The following NOTCH3 variants were observed in gnomAD, a reference collection of about 807,000 sequenced individuals.
NOTCH3 encodes the protein notch receptor 3.
Under a neutral mutation model 213.3 loss-of-function variants are expected in NOTCH3, and 86 were observed. The ratio of observed to expected loss-of-function variants is 0.40; its 90% CI spans 0.34 to 0.48. NOTCH3 has a LOEUF of 0.48. NOTCH3 is among the 20% of genes least tolerant of loss of function. The pLI is 0.57. For missense variants in NOTCH3, 2,783 were observed against 3,272.6 expected (o/e 0.85, Z 3.65); for synonymous variants, 1,354 against 1,355.9 (o/e 1.00, Z 0.03).
At chr19:15,171,564 T>C (rs1474828926) in intron 25 of NOTCH3, among the ~76,000 whole-genome samples, 1 of 152,080 alleles carries the variant, frequency 6.6e-6, no homozygotes, top group Non-Finnish European at 1.5e-5. Flanking sequence ...GGTGTCACTA[T>C]GTTGCCCAGG....
Position 15,160,315 on chromosome 19 carries a change from A to G in NOTCH3, c.*347T>C. On this transcript the variant is annotated 3_prime_UTR_variant, in exon 33 of 33. Coordinates refer to ENST00000263388, the MANE Select transcript of NOTCH3 (RefSeq NM_000435.3). ...GTTTCTATACAAAATGTAAAAAAAA[A>G]AAGAAAAATAAAAATAATAATAATT... The G allele has an allele frequency of 3.9e-6, 1 of 253,842 alleles. No homozygotes were observed. Among genetic ancestry groups the G allele is most frequent in the Non-Finnish European group, 7.5e-6 (1 of 133,010 alleles). 15.7% of individuals were successfully genotyped at this position (253,842 alleles called of 1,614,324 possible). A position where few individuals can be genotyped will look rare whatever the true frequency, so the allele number is the denominator to read the frequency against.
intron 32 of NOTCH3, among the ~76,000 whole-genome samples, 155 bp from the exon 33 acceptor site, chr19:15,161,869 T>C (rs1404605063): frequency 6.6e-6 from 1 of 152,056 alleles, no homozygotes. Flanking sequence ...CCTGGACAAG[T>C]TCTTTCCTCT....
intron 1 of NOTCH3, among the ~76,000 whole-genome samples, chr19:15,199,701 T>A (rs1000769272): frequency 1.3e-5 from 2 of 152,174 alleles, no homozygotes; most frequent in Non-Finnish European, 1.5e-5. Flanking sequence ...TCACAGGCCA[T>A]GTGTGTGCGC....
rs749611934 is a variant in NOTCH3, at chr19:15,178,902, T to C, written c.3758A>G (p.Gln1253Arg). ...GCACTGGCCTCCATGCTGGCATGGC[T>C]GGGACTCGCAGGGAGACAGGACAGT... is the stretch of plus-strand genomic sequence containing the variant. ...CQTVLSPCES[Q>R]PCQHGGQCRP... The change falls in exon 23 of 33, where the codon CAG (glutamine) becomes CGG (arginine). Residue 1253 changes from glutamine to arginine, a missense_variant. Gln to Arg is a conservative substitution (Grantham distance 43, BLOSUM62 1). Coordinates refer to ENST00000263388, the MANE Select transcript of NOTCH3 (RefSeq NM_000435.3). 1.9e-6 allele frequency: 3 copies of C among 1,613,014 alleles called. No individual in the cohort carries two copies. The African/African-American group carries it at 4.0e-5, about 22-fold the overall frequency.
rs145049433 is a variant in NOTCH3, at chr19:15,191,629, C to T, written c.831G>A (p.Glu277=). 467 of 1,613,552 alleles carry T rather than the reference C, an allele frequency of 2.9e-4. No homozygotes were observed. Among genetic ancestry groups the T allele is most frequent in the Non-Finnish European group, 3.7e-4 (440 of 1,180,036 alleles). The change falls in exon 6 of 33, where the codon GAG becomes GAA. Residue 277 remains glutamate, a synonymous_variant. Transcript: ENST00000263388. ...TGQFCTEDVD[E]CQLQPNACHN... ...GGCAGGCGTTGGGCTGCAGCTGACACTCATCCACGTCCTCCGTGCAGAACT... is the reference window on the plus strand; with the variant it reads ...GGCAGGCGTTGGGCTGCAGCTGACATTCATCCACGTCCTCCGTGCAGAACT...
intron 29 of NOTCH3, 121 bp from the exon 30 acceptor site, chr19:15,166,212 T>G: frequency 3.6e-6 from 3 of 832,846 alleles, no homozygotes; most frequent in Non-Finnish European, 5.9e-6. Flanking sequence ...TAGCAGATCC[T>G]CCTGTCTGCA....
chr19:15,199,163 TTGTG>T (rs538898887), intron 1 of NOTCH3, among the ~76,000 whole-genome samples: 11 of 152,088 alleles, frequency 7.2e-5, no homozygotes, highest in South Asian at 6.2e-4. Flanking sequence ...GTGCACGGGC[TTGTG>T]TGTCTGTATG....
rs141402160 is a variant in NOTCH3 at position 15,191,804 on chromosome 19, C to A, written c.743G>T (p.Gly248Val). ...GTTGACGCCATCCACGCATGTCCCC[C>A]CATTGAGACATCGGTGTCCTGGACA... The part of the protein sequence containing the change: ...DDCPGHRCLN[G>V]GTCVDGVNTY... Residue 248 changes from glycine to valine, a missense_variant, in exon 5 of 33, where the codon GGG (glycine) becomes GTG (valine). Around this residue, in one of 6 missense-constraint regions of NOTCH3, gnomAD observed 708 missense variants for 906.6 expected, o/e 0.78. Transcript: ENST00000263388. The A allele has an allele frequency of 1.9e-6, 3 of 1,613,866 alleles. No homozygotes were observed. The African/African-American group carries it at 4.0e-5, about 22-fold the overall frequency.
intron 20 of NOTCH3, 71 bp downstream of exon 20, chr19:15,180,001 C>A (rs1246346330): frequency 9.2e-7 from 1 of 1,092,432 alleles, no homozygotes; most frequent in Admixed American, 1.7e-5. Context: ...CCAAGCCACA[C>A]AGAAATGTGT....
rs769150460 is a variant in NOTCH3 at position 15,170,473 on chromosome 19, G to C, written c.4972C>G (p.Leu1658Val). Residue 1658 changes from leucine to valine, a missense_variant, in exon 27 of 33, where the codon CTC becomes GTC. Transcript: ENST00000263388. ...CGGGCCACCATGACACCCAGGACGA[G>C]AATGACCAGCAGCAAGACAGCGCCC... is the stretch of plus-strand genomic sequence containing the variant. ...VAGAVLLLVILVLGVMVARRK... is the reference protein window; with the variant it reads ...VAGAVLLLVIVVLGVMVARRK... 6.2e-7 allele frequency: 1 copy of C among 1,607,670 alleles called. No individual in the cohort carries two copies. Among genetic ancestry groups the C allele is most frequent in the African/African-American group, 1.3e-5 (1 of 74,934 alleles).
In NOTCH3 at chr19:15,186,379, ATGTGTGTGTGTG is replaced by A. The variant is rs36233245; in HGVS notation, c.1951+487_1951+498del. On this transcript the variant is annotated intron_variant, in intron 12 of 32. Transcript: ENST00000263388. ...GAATAATCTTTTTGTTTGTTTTTGT[ATGTGTGTGTGTG>A]TGTGTGTGTGTGTGTGTGTGTGTGT... Among the ~76,000 whole-genome samples, 883 of 138,414 alleles carry A rather than the reference ATGTGTGTGTGTG, an allele frequency of 6.4e-3. 8 individuals carry two copies. Among genetic ancestry groups the A allele is most frequent in the African/African-American group, 0.016 (564 of 36,346 alleles). The allele number at this position is 138,414 out of a possible 152,430, so 90.8% of individuals were successfully genotyped here. A position where few individuals can be genotyped will look rare whatever the true frequency, so the allele number is the denominator to read the frequency against.
chr19:15,182,304 C>T (rs1334095589), intron 16 of NOTCH3, among the ~76,000 whole-genome samples: 3 of 151,910 alleles, frequency 2.0e-5, no homozygotes, highest in Admixed American at 6.6e-5. Flanking sequence ...CTCAGGAGTT[C>T]GAGACCAACC....
At chr19:15,163,018 C>T (rs1286654516) in intron 31 of NOTCH3, among the ~76,000 whole-genome samples, 6 of 152,160 alleles carry the variant, frequency 3.9e-5, no homozygotes, top group African/African-American at 1.4e-4. Context: ...ATTTTCCTGC[C>T]TCAGCCTCCC....
chr19:15,178,874 A>G lies in NOTCH3; in HGVS notation c.3786T>C (p.Arg1262=), dbSNP rs1022634442. ...GCCCACCCCCAGGACCCGGGCTAGG[A>G]CGGCACTGGCCTCCATGCTGGCATG... ...SQPCQHGGQC[R]PSPGPGGGLT... is the part of the protein sequence containing the mutation. The change falls in exon 23 of 33, where the codon CGT becomes CGC. Residue 1262 remains arginine, a synonymous_variant. Transcript: ENST00000263388. 3.1e-6 allele frequency: 5 copies of G among 1,610,436 alleles called. No individual in the cohort carries two copies. The African/African-American group carries it at 6.7e-5, about 21-fold the overall frequency.
At chr19:15,169,696 C>G (rs1419349829) in intron 28 of NOTCH3, among the ~76,000 whole-genome samples, 1 of 152,190 alleles carries the variant, frequency 6.6e-6, no homozygotes, top group African/African-American at 2.4e-5. Context: ...AGAACCGGCT[C>G]AGAGCACTTT....
chr19:15,195,370 AT>A (rs1244781367), intron 2 of NOTCH3, among the ~76,000 whole-genome samples: 2 of 151,900 alleles, frequency 1.3e-5, no homozygotes, highest in Non-Finnish European at 2.9e-5. Context: ...AAGACTGGAA[AT>A]CTCCAAGGGG....
Position 15,185,773 on chromosome 19 carries a change from C to T in NOTCH3, c.1952-94G>A. 2 of 1,183,748 alleles carry T rather than the reference C, an allele frequency of 1.7e-6. No individual in the cohort carries two copies. Among genetic ancestry groups the T allele is most frequent in the Non-Finnish European group, 2.5e-6 (2 of 810,720 alleles). 73.3% of individuals were successfully genotyped at this position (1,183,748 alleles called of 1,614,324 possible). The stretch of plus-strand genomic sequence containing the variant: ...ACCCCACTTAGCACACCCACACCCC[C>T]GAGCAATGACCTCTTTTTCATAACG... On this transcript the variant is annotated intron_variant, in intron 12 of 32. Transcript: ENST00000263388. The surrounding 1 kb of genome is among the most constrained non-coding windows in gnomAD (Gnocchi z 4.2).
rs968392255 is a variant in NOTCH3, at chr19:15,181,099, G to A, written c.2856C>T (p.Pro952=). ...GVNSFSCLCR[P]GYTGAHCQHE... Reference sequence around the variant, plus strand: ...GTTGGCAGTGGGCTCCTGTGTAGCCGGGACGGCACAGGCAGCTGAACGAGT... The same window carrying A: ...GTTGGCAGTGGGCTCCTGTGTAGCCAGGACGGCACAGGCAGCTGAACGAGT... Residue 952 remains proline, a synonymous_variant, in exon 18 of 33, where the codon CCC becomes CCT. Transcript: ENST00000263388. 4 of 1,609,624 alleles carry A rather than the reference G, an allele frequency of 2.5e-6. No homozygotes were observed. Among genetic ancestry groups the A allele is most frequent in the East Asian group, 4.5e-5 (2 of 44,736 alleles).
Position 15,187,086 on chromosome 19 carries a change from C to T in NOTCH3, c.1840+19G>A, listed in dbSNP as rs886038298. The T allele has an allele frequency of 5.6e-6, 9 of 1,610,374 alleles. No individual in the cohort carries two copies. The highest frequency in any genetic ancestry group is 1.3e-5 in the African/African-American group (1 of 74,816). ...TGCCCCTCCAGGTGTGCTGTTTCTG[C>T]CCCAGCCCCCGGTCCCACCTGTGGT... On this transcript the variant is annotated intron_variant, in intron 11 of 32. Coordinates refer to ENST00000263388, the MANE Select transcript of NOTCH3 (RefSeq NM_000435.3).
Sources: gnomAD v4.1 joint callset for allele counts (sites outside exome capture counted in the v4.1 genomes callset) on GRCh38, gnomAD v4.1.1 for gene constraint, gnomAD v4.1.1 regional missense constraint, Gnocchi (gnomAD v3.1) non-coding constraint, MANE v1.5 for transcripts, NCBI Gene and HGNC (gene_info 2026-07-23, HGNC 2026-07-21) for gene names.